The following RGS11 variants were observed in gnomAD, a reference collection of about 807,000 sequenced individuals.
RGS11 encodes the protein regulator of G-protein signaling 11.
Under a neutral mutation model 71.1 loss-of-function variants are expected in RGS11, and 86 were observed. The ratio of observed to expected loss-of-function variants is 1.21; its 90% confidence interval spans 1.02 to 1.45. RGS11 has a LOEUF of 1.45. RGS11 is among the 40% of genes most tolerant of loss of function. The probability of loss-of-function intolerance (pLI) is 0.00; values close to 1 mark genes in which losing one functional copy is unlikely to be tolerated. For missense variants in RGS11, 734 were observed against 635.1 expected, an observed-to-expected ratio of 1.16 and a Z score of -1.67; for synonymous variants, 298 against 254.2, an observed-to-expected ratio of 1.17 and a Z score of -1.64.
intron 1 of RGS11, 43 bp downstream of exon 1, chr16:275,806 G>T: frequency 2.3e-6 from 2 of 863,544 alleles, no homozygotes; most frequent in Non-Finnish European, 3.0e-6. Flanking sequence ...GGCCTCGGGC[G>T]CCGGGAAATC....
rs1187951496 is a variant in RGS11, at chr16:269,552, A to G, written c.1240T>C (p.Tyr414His). The change falls in exon 16 of 17, where the codon TAC becomes CAC. Residue 414 changes from tyrosine (Y) to histidine (H), a missense_variant. Coordinates refer to ENST00000397770, the MANE Select transcript of RGS11 (RefSeq NM_183337.3). ...CCAGCCTCTGCCAGGAGGGCCTTGT[A>G]CATGTCAGACTTCAGGAACCTTGGG... ...SYPRFLKSDM[Y>H]KALLAEAGIP... is the part of the protein sequence containing the mutation. 1.2e-6 allele frequency: 2 copies of G among 1,613,432 alleles called. No homozygotes were observed. Among genetic ancestry groups the G allele is most frequent in the Non-Finnish European group, 1.7e-6 (2 of 1,179,934 alleles).
intron 9 of RGS11, chr16:272,253 G>A (rs887428772): frequency 2.1e-5 from 25 of 1,211,266 alleles, no homozygotes; most frequent in Admixed American, 8.9e-5. Flanking sequence ...TCGGCACCTC[G>A]CTGGGGCCAG....
intron 1 of RGS11, 32 bp downstream of exon 1, chr16:275,816 CG>C: frequency 6.0e-6 from 6 of 996,164 alleles, no homozygotes; most frequent in Non-Finnish European, 6.3e-6. Context: ...GCCGGGAAAT[CG>C]GGGGACGGCG....
rs1172858085 is a variant in RGS11, at chr16:274,225, T to C, written c.359A>G (p.Glu120Gly). ...FWTSTLRPAA[E>G]LDYAIYLAKK... ...GTCCCCTTGCTCACCATAGTCCAGC[T>C]CTGCAGCCGGCCTCAGGGTACTTGT... The change falls in exon 5 of 17, where the codon GAG (glutamate) becomes GGG (glycine). Residue 120 changes from glutamate (E) to glycine (G), a missense_variant. Coordinates refer to ENST00000397770, the MANE Select transcript of RGS11 (RefSeq NM_183337.3). 3 of 1,610,914 alleles carry C rather than the reference T, an allele frequency of 1.9e-6. No homozygotes were observed. Among genetic ancestry groups the C allele is most frequent in the East Asian group, 4.5e-5 (2 of 44,726 alleles).
intron 4 of RGS11, 123 bp from the exon 5 acceptor site, chr16:274,388 T>G: frequency 2.0e-6 from 2 of 1,018,000 alleles, no homozygotes; most frequent in Non-Finnish European, 2.9e-6. Flanking sequence ...AGGATCTCCC[T>G]GCCTGCCCAC....
intron 9 of RGS11, chr16:272,243 T>A: frequency 8.3e-7 from 1 of 1,204,388 alleles, no homozygotes; most frequent in Non-Finnish European, 1.1e-6. Context: ...CCTTCATTGG[T>A]CGGCACCTCG....
In RGS11 at chr16:268,678, T is replaced by C. The variant is rs2051781184; in HGVS notation, c.*591A>G. On this transcript the variant is annotated 3_prime_UTR_variant, in exon 17 of 17. Coordinates refer to ENST00000397770, the MANE Select transcript of RGS11 (RefSeq NM_183337.3). ...AGGTGCCGGCGCACCTGTGGACAAA[T>C]TCTGGAACGCGTTTGGCGAGGGAGG... 1 of 1,335,578 alleles carries C rather than the reference T, an allele frequency of 7.5e-7. No homozygotes were observed. Among genetic ancestry groups the C allele is most frequent in the South Asian group, 1.3e-5 (1 of 76,770 alleles). 82.7% of individuals were successfully genotyped at this position (1,335,578 alleles called of 1,614,324 possible).
chr16:272,481 C>T (rs1341511918), intron 9 of RGS11: 1 of 1,341,108 alleles, frequency 7.5e-7, no homozygotes, highest in South Asian at 1.2e-5. Flanking sequence ...CCCTCTGGTT[C>T]TGGAGGCCTC....
Position 270,530 on chromosome 16 carries a change from A to G in RGS11, c.1199T>C (p.Met400Thr). Residue 400 changes from methionine (M) to threonine (T), a missense_variant, in exon 15 of 17, where the codon ATG (methionine) becomes ACG (threonine). Met to Thr is a moderately conservative substitution (Grantham distance 81). Coordinates refer to ENST00000397770, the MANE Select transcript of RGS11 (RefSeq NM_183337.3). ...GGCTGGCCCAGCACCCACCTTCTTC[A>G]TGAGCATGTATATGTGCAGCTGGGC... ...DDAQLHIYML[M>T]KKDSYPRFLK... 4 of 1,605,348 alleles carry G rather than the reference A, an allele frequency of 2.5e-6. No homozygotes were observed. The highest frequency in any genetic ancestry group is 3.4e-6 in the Non-Finnish European group (4 of 1,176,008).
Position 268,533 on chromosome 16 carries a change from G to C in RGS11, c.*736C>G, listed in dbSNP as rs2051773700. ...CAGCTCACGAAGGAAGACTTGGGCA[G>C]GGAGGATCAGGGACGCCTGGCAAGG... On this transcript the variant is annotated 3_prime_UTR_variant, in exon 17 of 17. Coordinates refer to ENST00000397770, the MANE Select transcript of RGS11 (RefSeq NM_183337.3). 3.5e-6 allele frequency: 2 copies of C among 577,780 alleles called. No homozygotes were observed. The highest frequency in any genetic ancestry group is 2.0e-5 in the South Asian group (1 of 49,710). 35.8% of individuals were successfully genotyped at this position (577,780 alleles called of 1,614,324 possible).
At chr16:275,667 AGG>A (rs1567243116) in intron 1 of RGS11, 169 bp from the exon 2 acceptor site, 2 of 457,090 alleles carry the variant, frequency 4.4e-6, no homozygotes, top group African/African-American at 1.3e-4. Context: ...AGGGCCGGGG[AGG>A]GCCGGGGAGA....
rs140238858 is a variant in RGS11 at position 270,203 on chromosome 16, C to A, written c.1206+320G>T. ...GGTGGAGCTTGCACTGAGCCGAGATCCCGCCACTGCACTCCAGCCTGGGCG... is the reference window on the plus strand; with the variant it reads ...GGTGGAGCTTGCACTGAGCCGAGATACCGCCACTGCACTCCAGCCTGGGCG... On this transcript the variant is annotated intron_variant, in intron 15 of 16. Transcript: ENST00000397770. Among the ~76,000 whole-genome samples, 13 of 151,916 alleles carry A rather than the reference C, an allele frequency of 8.6e-5. No homozygotes were observed. In the South Asian group the frequency reaches 2.5e-3, roughly 29 times the overall value.
In RGS11 at chr16:272,900, G is replaced by A. The variant is rs559802917; in HGVS notation, c.620C>T (p.Pro207Leu). 1 of 1,530,886 alleles carries A rather than the reference G, an allele frequency of 6.5e-7. No homozygotes were observed. Among genetic ancestry groups the A allele is most frequent in the Non-Finnish European group, 8.8e-7 (1 of 1,136,134 alleles). 94.8% of individuals were successfully genotyped at this position (1,530,886 alleles called of 1,614,324 possible). A position where few individuals can be genotyped will look rare whatever the true frequency, so the allele number is the denominator to read the frequency against. ...GCTGGCAGCGCAGGATCCCCGCCCT[G>A]GACCCTGCTCCAGCACATCGGGGGC... ...PGAPDVLEQG[P>L]GRGSCAASRV... The change falls in exon 9 of 17, where the codon CCA becomes CTA. Residue 207 changes from proline to leucine, a missense_variant. Physicochemically the swap from Pro to Leu is moderately conservative, Grantham distance 98. Coordinates refer to ENST00000397770, the MANE Select transcript of RGS11 (RefSeq NM_183337.3).
chr16:271,693 A>G, intron 9 of RGS11, 124 bp from the exon 10 acceptor site: 3 of 922,760 alleles, frequency 3.3e-6, no homozygotes, highest in Non-Finnish European at 3.5e-6. Flanking sequence ...ATGGTGGCCC[A>G]GGCCCCCAGT....
At chr16:272,152 C>T in intron 9 of RGS11, 1 of 1,144,194 alleles carries the variant, frequency 8.7e-7, no homozygotes, top group Non-Finnish European at 1.1e-6. Flanking sequence ...GTCACATTTT[C>T]AAATGTACTT....
At position 271,394 on chromosome 16, in the gene RGS11, C is replaced by T. The variant is rs1301714448; in HGVS notation, c.749+5G>A. On this transcript the variant is annotated splice_donor_5th_base_variant and intron_variant, in intron 11 of 16. Transcript: ENST00000397770. Reference sequence around the variant, plus strand: ...TCTCCAGCTGCCACCCCTCACCCCACTCACGCCTCAAGGCAGACGGAGGAC... The same window carrying T: ...TCTCCAGCTGCCACCCCTCACCCCATTCACGCCTCAAGGCAGACGGAGGAC... The T allele has an allele frequency of 1.2e-6, 2 of 1,613,502 alleles. No individual in the cohort carries two copies. The highest frequency in any genetic ancestry group is 1.7e-6 in the Non-Finnish European group (2 of 1,180,008).
In RGS11 at chr16:271,407, G is replaced by A; in HGVS notation, c.741C>T (p.Cys247=). The change falls in exon 11 of 17, where the codon TGC becomes TGT. Residue 247 remains cysteine (C), a synonymous_variant. Transcript: ENST00000397770. ...LGRTRVKSSV[C]LEAYLSFCGQ... is the part of the protein sequence containing the mutation. ...CCCCTCACCCCACTCACGCCTCAAG[G>A]CAGACGGAGGACTTCACTCGGGTCC... The A allele has an allele frequency of 3.1e-6, 5 of 1,613,714 alleles. No homozygotes were observed. The highest frequency in any genetic ancestry group is 2.5e-6 in the Non-Finnish European group (3 of 1,180,008).
rs2051781544 is a variant in RGS11 at position 268,687 on chromosome 16, G to A, written c.*582C>T. The A allele has an allele frequency of 2.6e-5, 36 of 1,381,452 alleles. 1 individual carries two copies. The highest frequency in any genetic ancestry group is 2.3e-4 in the South Asian group (18 of 79,076). 85.6% of individuals were successfully genotyped at this position (1,381,452 alleles called of 1,614,324 possible). ...CGCACCTGTGGACAAATTCTGGAAC[G>A]CGTTTGGCGAGGGAGGAATAGGCGC... On this transcript the variant is annotated 3_prime_UTR_variant, in exon 17 of 17. Transcript: ENST00000397770.
In RGS11 at chr16:268,777, C is replaced by T. The variant is rs141970551; in HGVS notation, c.*492G>A. 461 of 1,549,966 alleles carry T rather than the reference C, an allele frequency of 3.0e-4. 3 individuals are homozygous for T. The African/African-American group carries it at 5.6e-3, about 19-fold the overall frequency. ...GCACTCTCTTGGGTCCTCTTCCAGG[C>T]TCACACTGGGCGACAGCGGAGAGGC... On this transcript the variant is annotated 3_prime_UTR_variant, in exon 17 of 17. Transcript: ENST00000397770.
Sources: allele counts gnomAD v4.1 joint callset (sites outside exome capture counted in the v4.1 genomes callset), GRCh38; gene constraint gnomAD v4.1.1; transcripts MANE v1.5; gene names NCBI Gene and HGNC (gene_info 2026-07-23, HGNC 2026-07-21).